OSBPL3: variants seen among roughly 807,000 people sequenced by gnomAD.
OSBPL3 encodes oxysterol binding protein like 3, also known as oxysterol-binding protein-related protein 3.
In OSBPL3, 65 loss-of-function variants were observed where a neutral mutation model predicts 120.1. The observed-to-expected ratio is 0.54, with a 90% CI of 0.44 to 0.67. The LOEUF is 0.67. Among genes scored for constraint, OSBPL3 ranks in the 30% least tolerant of loss-of-function variants. The pLI is 0.00. For synonymous variants in OSBPL3, 416 were observed against 402.6 expected, an observed-to-expected ratio of 1.03 and a Z score of -0.40; for missense variants, 1,004 against 1,082.1, an observed-to-expected ratio of 0.93 and a Z score of 1.01.
chr7:24,806,979 C>A lies in OSBPL3; in HGVS notation c.2318-77G>T. Reference sequence around the variant, plus strand: ...ATTTTAATTCCTTCACCTTTTTCGTCTCAGCCTAGCTACAATTTTTCTCTC... The same window carrying A: ...ATTTTAATTCCTTCACCTTTTTCGTATCAGCCTAGCTACAATTTTTCTCTC... On this transcript the variant is annotated intron_variant, in intron 20 of 22. Coordinates refer to ENST00000313367, the MANE Select transcript of OSBPL3 (RefSeq NM_015550.4). The surrounding 1 kb of genome is among the most constrained non-coding windows in gnomAD (Gnocchi z 5.2). 1.5e-6 allele frequency: 2 copies of A among 1,320,382 alleles called. No homozygotes were observed. Among genetic ancestry groups the A allele is most frequent in the South Asian group, 3.1e-5 (2 of 64,774 alleles). 81.8% of individuals were successfully genotyped at this position (1,320,382 alleles called of 1,614,324 possible). A position where few individuals can be genotyped will look rare whatever the true frequency, so the allele number is the denominator to read the frequency against.
intron 16 of OSBPL3, among the ~76,000 whole-genome samples, chr7:24,826,356 G>T (rs893735759): frequency 6.6e-6 from 1 of 152,160 alleles, no homozygotes; most frequent in African/African-American, 2.4e-5. Context: ...ACTCCTGATC[G>T]GTCCTCTTTC....
At chr7:24,928,503 T>C (rs940087187) in intron 1 of OSBPL3, among the ~76,000 whole-genome samples, 4 of 152,198 alleles carry the variant, frequency 2.6e-5, no homozygotes, top group African/African-American at 7.2e-5. Context: ...CTCTTGTCTT[T>C]ATAAATTACC....
chr7:24,861,843 G>A, intron 9 of OSBPL3, 74 bp from the exon 10 acceptor site: 1 of 949,548 alleles, frequency 1.1e-6, no homozygotes, highest in South Asian at 1.9e-5. Flanking sequence ...TTCTAAGATT[G>A]AAACATGGTA....
rs181406239 is a variant in OSBPL3, at chr7:24,950,460, C to T, written c.-150+29426G>A. Among the ~76,000 whole-genome samples, 17 of 151,900 alleles carry T rather than the reference C, an allele frequency of 1.1e-4. No individual in the cohort carries two copies. The South Asian group carries it at 3.1e-3, about 28-fold the overall frequency. ...CATGTAGGCCGGGCGCGGTGGCTCA[C>T]GCCTGTAATCCCAGCACTTTGGGAG... On this transcript the variant is annotated intron_variant, in intron 1 of 22. Coordinates refer to ENST00000313367, the MANE Select transcript of OSBPL3 (RefSeq NM_015550.4).
chr7:24,885,981 C>T (rs552962078), intron 2 of OSBPL3, among the ~76,000 whole-genome samples: 1 of 152,326 alleles, frequency 6.6e-6, no homozygotes, highest in African/African-American at 2.4e-5. Flanking sequence ...ATTGCAATTA[C>T]TCATATTTTA....
In OSBPL3 at chr7:24,959,421, C is replaced by T. The variant is rs1337218389; in HGVS notation, c.-150+20465G>A. Among the ~76,000 whole-genome samples the T allele has an allele frequency of 1.3e-5, 2 of 152,108 alleles. No homozygotes were observed. Among genetic ancestry groups the T allele is most frequent in the Admixed American group, 1.3e-4 (2 of 15,278 alleles). The stretch of plus-strand genomic sequence containing the variant: ...AGGAATAAACAAACTAAAAACCACA[C>T]ATCAAAATATGAGTGACTCTCACAG... On this transcript the variant is annotated intron_variant, in intron 1 of 22. Coordinates refer to ENST00000313367, the MANE Select transcript of OSBPL3 (RefSeq NM_015550.4). This position sits in a 1 kb window ranked among gnomAD's most constrained non-coding sequence, Gnocchi z 4.3.
In OSBPL3 at chr7:24,865,477, A is replaced by G; in HGVS notation, c.550-12T>C. On this transcript the variant is annotated splice_polypyrimidine_tract_variant and intron_variant, in intron 6 of 22. Transcript: ENST00000313367. ...GATATACTGCTACGCTGTTCCACGG[A>G]TGACAAAAGCACATTGTAAATGGAA... 6.2e-7 allele frequency: 1 copy of G among 1,612,538 alleles called. No individual in the cohort carries two copies. The highest frequency in any genetic ancestry group is 8.5e-7 in the Non-Finnish European group (1 of 1,179,212).
Position 24,813,594 on chromosome 7 carries a change from G to A in OSBPL3, c.2172+1465C>T, listed in dbSNP as rs1352553598. ...CATGTAAGGTCATTATGGGCTTTATGTCTGTCTATAATCCAGTTTGAGGCT... is the reference window on the plus strand; with the variant it reads ...CATGTAAGGTCATTATGGGCTTTATATCTGTCTATAATCCAGTTTGAGGCT... On this transcript the variant is annotated intron_variant, in intron 19 of 22. Coordinates refer to ENST00000313367, the MANE Select transcript of OSBPL3 (RefSeq NM_015550.4). This position sits in a 1 kb window ranked among gnomAD's most constrained non-coding sequence, Gnocchi z 4.5. 1.2e-4 allele frequency among the ~76,000 whole-genome samples: 18 copies of A among 152,122 alleles called. No individual in the cohort carries two copies. The highest frequency in any genetic ancestry group is 1.1e-3 in the Admixed American group (17 of 15,258).
rs1794615328 is a variant in OSBPL3, at chr7:24,817,490, A to T, written c.1949-802T>A. On this transcript the variant is annotated intron_variant, in intron 17 of 22. Coordinates refer to ENST00000313367, the MANE Select transcript of OSBPL3 (RefSeq NM_015550.4). This position sits in a 1 kb window ranked among gnomAD's most constrained non-coding sequence, Gnocchi z 4.0. The stretch of plus-strand genomic sequence containing the variant: ...CATTGCACTCCAGCCTGGGTGATGG[A>T]GTGAGATTCTGCCAAAAAAAACAAA... 1.3e-5 allele frequency among the ~76,000 whole-genome samples: 2 copies of T among 152,112 alleles called. No homozygotes were observed. The highest frequency in any genetic ancestry group is 4.2e-4 in the South Asian group (2 of 4,812).
chr7:24,964,401 A>G lies in OSBPL3; in HGVS notation c.-150+15485T>C, dbSNP rs760464240. Among the ~76,000 whole-genome samples the G allele has an allele frequency of 6.6e-6, 1 of 152,228 alleles. No homozygotes were observed. The highest frequency in any genetic ancestry group is 1.5e-5 in the Non-Finnish European group (1 of 68,040). ...TAACATATACTCTTGATATGATGTA[A>G]TGAGAATGGCATTTTACCTCTGTAA... On this transcript the variant is annotated intron_variant, in intron 1 of 22. Coordinates refer to ENST00000313367, the MANE Select transcript of OSBPL3 (RefSeq NM_015550.4). The surrounding 1 kb of genome is among the most constrained non-coding windows in gnomAD (Gnocchi z 4.2).
rs1227524153 is a variant in OSBPL3 at position 24,819,297 on chromosome 7, G to T, written c.1948+878C>A. Among the ~76,000 whole-genome samples, 3 of 151,832 alleles carry T rather than the reference G, an allele frequency of 2.0e-5. No individual in the cohort carries two copies. The highest frequency in any genetic ancestry group is 6.6e-5 in the Admixed American group (1 of 15,234). On this transcript the variant is annotated intron_variant, in intron 17 of 22. Coordinates refer to ENST00000313367, the MANE Select transcript of OSBPL3 (RefSeq NM_015550.4). This position sits in a 1 kb window ranked among gnomAD's most constrained non-coding sequence, Gnocchi z 4.1. The stretch of plus-strand genomic sequence containing the variant: ...CAACTTTTGAAAAAACAAAGAAGAG[G>T]TGCTTATAGCATGAGTGAGATTTAC...
At position 24,939,854 on chromosome 7, in the gene OSBPL3, G is replaced by C. The variant is rs1322716818; in HGVS notation, c.-150+40032C>G. ...AAGTTAGGAGGGTGGGAGGAAAGAG[G>C]AGGGAGAGCATTAGGACAAATATCT... On this transcript the variant is annotated intron_variant, in intron 1 of 22. Transcript: ENST00000313367. The surrounding 1 kb of genome is among the most constrained non-coding windows in gnomAD (Gnocchi z 4.2). Among the ~76,000 whole-genome samples the C allele has an allele frequency of 1.3e-5, 2 of 152,154 alleles. No individual in the cohort carries two copies. The highest frequency in any genetic ancestry group is 4.8e-5 in the African/African-American group (2 of 41,450).
At chr7:24,942,716 G>A (rs749987159) in intron 1 of OSBPL3, among the ~76,000 whole-genome samples, 5 of 152,036 alleles carry the variant, frequency 3.3e-5, no homozygotes, top group African/African-American at 7.2e-5. Context: ...TACATATGTC[G>A]TATATTTTAT....
chr7:24,934,672 T>C (rs560416022), intron 1 of OSBPL3, among the ~76,000 whole-genome samples: 41 of 152,286 alleles, frequency 2.7e-4, no homozygotes, highest in Non-Finnish European at 4.7e-4. Context: ...TGCTGTAAAA[T>C]AGAGTTTGTC....
chr7:24,805,073 G>C lies in OSBPL3; in HGVS notation c.2445-636C>G, dbSNP rs1181152045. ...ACCTTGTATATCCATCATTTTACAT[G>C]AGTAAGTAGGAAAAATCTGTAGGAG... On this transcript the variant is annotated intron_variant, in intron 21 of 22. Coordinates refer to ENST00000313367, the MANE Select transcript of OSBPL3 (RefSeq NM_015550.4). This position sits in a 1 kb window ranked among gnomAD's most constrained non-coding sequence, Gnocchi z 4.0. 6.6e-6 allele frequency among the ~76,000 whole-genome samples: 1 copy of C among 152,136 alleles called. No homozygotes were observed. The highest frequency in any genetic ancestry group is 2.4e-5 in the African/African-American group (1 of 41,432).
intron 2 of OSBPL3, among the ~76,000 whole-genome samples, chr7:24,880,249 C>A (rs1311282035): frequency 6.6e-6 from 1 of 152,166 alleles, no homozygotes; most frequent in Admixed American, 6.5e-5. Context: ...TGCAAGATCA[C>A]AAACTATTAA....
Position 24,894,705 on chromosome 7 carries a change from A to G in OSBPL3, c.-149-2084T>C, listed in dbSNP as rs1805875531. ...CTGAGGTTCTGTTAAACGAGAGTCT[A>G]CAAGAGTCTGGGATGAGAGGGGTGT... On this transcript the variant is annotated intron_variant, in intron 1 of 22. Coordinates refer to ENST00000313367, the MANE Select transcript of OSBPL3 (RefSeq NM_015550.4). The surrounding 1 kb of genome is among the most constrained non-coding windows in gnomAD (Gnocchi z 4.1). Among the ~76,000 whole-genome samples the G allele has an allele frequency of 6.6e-6, 1 of 152,182 alleles. No homozygotes were observed. Among genetic ancestry groups the G allele is most frequent in the Non-Finnish European group, 1.5e-5 (1 of 68,008 alleles).
At chr7:24,960,141 T>G (rs548297086) in intron 1 of OSBPL3, among the ~76,000 whole-genome samples, 3 of 152,322 alleles carry the variant, frequency 2.0e-5, no homozygotes, top group African/African-American at 7.2e-5. Context: ...CAATATTATT[T>G]TATAACACTG....
At chr7:24,807,517 T>TAATAATAACAAC (rs139700441) in intron 20 of OSBPL3, among the ~76,000 whole-genome samples, 4 of 151,172 alleles carry the variant, frequency 2.6e-5, no homozygotes, top group African/African-American at 7.3e-5. Context: ...ATAATAATAA[T>TAATAATAACAAC]AACAACAATA....
Sources: allele counts gnomAD v4.1 joint callset (sites outside exome capture counted in the v4.1 genomes callset), GRCh38; gene constraint gnomAD v4.1.1; non-coding constraint Gnocchi (gnomAD v3.1); transcripts MANE v1.5; gene names NCBI Gene and HGNC (gene_info 2026-07-23, HGNC 2026-07-21).